The following ZUP1 variants were observed in gnomAD, a reference collection of about 807,000 sequenced individuals.
ZUP1 encodes the protein zinc finger containing ubiquitin peptidase 1.
Under a neutral mutation model 68.1 loss-of-function variants are expected in ZUP1, and 55 were observed. The ratio of observed to expected loss-of-function variants is 0.81; its 90% confidence interval spans 0.65 to 1.01. ZUP1 has a LOEUF of 1.01. Ranked by LOEUF, ZUP1 falls within the 50% of genes least tolerant of loss-of-function variation. ZUP1 has a pLI of 0.00. For synonymous variants in ZUP1, 223 were observed against 221.5 expected (o/e 1.01, Z -0.06); for missense variants, 684 against 674.9 (o/e 1.01, Z -0.15).
At chr6:116,659,007 G>C (rs1347801697) in intron 3 of ZUP1, 83 bp from the exon 4 acceptor site, 14 of 1,217,938 alleles carry the variant, frequency 1.1e-5, no homozygotes, top group African/African-American at 1.6e-5. Context: ...TTTTAAAATA[G>C]AGTAAATGCT....
intron 9 of ZUP1, among the ~76,000 whole-genome samples, chr6:116,642,680 C>T (rs1310324858): frequency 6.6e-6 from 1 of 152,150 alleles, no homozygotes; most frequent in Non-Finnish European, 1.5e-5. Context: ...ATTCATGGGA[C>T]GTATCTCAAA....
chr6:116,645,480 C>G (rs960493797), intron 9 of ZUP1, among the ~76,000 whole-genome samples: 1 of 149,524 alleles, frequency 6.7e-6, no homozygotes, highest in Admixed American at 6.7e-5. Context: ...ACTTGGGAGG[C>G]TGAGGCAGGA....
At chr6:116,642,788 G>A (rs1776151437) in intron 9 of ZUP1, among the ~76,000 whole-genome samples, 1 of 152,022 alleles carries the variant, frequency 6.6e-6, no homozygotes, top group Non-Finnish European at 1.5e-5. Context: ...AGACAGGGAT[G>A]CCCTCTCTCA....
At chr6:116,658,205 A>C (rs999288126) in intron 4 of ZUP1, among the ~76,000 whole-genome samples, 11 of 152,320 alleles carry the variant, frequency 7.2e-5, no homozygotes, top group African/African-American at 2.6e-4. Context: ...CAGACATTAA[A>C]ATTTTAAATG....
At chr6:116,641,118 C>A (rs1482992694) in intron 9 of ZUP1, among the ~76,000 whole-genome samples, 2 of 148,868 alleles carry the variant, frequency 1.3e-5, no homozygotes, top group Non-Finnish European at 3.0e-5. Context: ...GTAAAGGGAT[C>A]AATTCAACAA....
chr6:116,649,880 C>T lies in ZUP1; in HGVS notation c.1316+1692G>A, dbSNP rs192093732. 4.1e-3 allele frequency among the ~76,000 whole-genome samples: 629 copies of T among 152,076 alleles called. 3 individuals carry two copies. Among genetic ancestry groups the T allele is most frequent in the African/African-American group, 0.014 (581 of 41,500 alleles). On this transcript the variant is annotated intron_variant, in intron 7 of 9. Transcript: ENST00000368576. ...ATTTCCAAAATTAAAAGAAAGCCTT[C>T]AAAATAGAAAAGACTAAAACAAACA... is the stretch of plus-strand genomic sequence containing the variant.
At chr6:116,647,709 G>C (rs1776356718) in intron 7 of ZUP1, 99 bp from the exon 8 acceptor site, 2 of 919,956 alleles carry the variant, frequency 2.2e-6, no homozygotes, top group Admixed American at 7.0e-5. Context: ...AGAACTAACT[G>C]TTTCTAGCCA....
At chr6:116,662,888 C>A (rs1022904521) in intron 2 of ZUP1, among the ~76,000 whole-genome samples, 1 of 152,106 alleles carries the variant, frequency 6.6e-6, no homozygotes, top group East Asian at 1.9e-4. Context: ...TTTCTTAGTG[C>A]CTAATATTTT....
At chr6:116,642,882 A>G (rs535474730) in intron 9 of ZUP1, among the ~76,000 whole-genome samples, 24 of 152,344 alleles carry the variant, frequency 1.6e-4, no homozygotes, top group African/African-American at 5.5e-4. Context: ...AATTAGGAAA[A>G]GAGGAAGTCA....
chr6:116,647,444 T>C lies in ZUP1; in HGVS notation c.1468+15A>G. ...ATAAACAACATTGTCAAATATGAGT[T>C]ATATTAATACTAACCTTGATGCTGA... On this transcript the variant is annotated intron_variant, in intron 8 of 9. Coordinates refer to ENST00000368576, the MANE Select transcript of ZUP1 (RefSeq NM_145062.3). The C allele has an allele frequency of 6.6e-7, 1 of 1,508,656 alleles. No individual in the cohort carries two copies. The highest frequency in any genetic ancestry group is 9.0e-7 in the Non-Finnish European group (1 of 1,117,280). The allele number at this position is 1,508,656 out of a possible 1,614,324, so 93.5% of individuals were successfully genotyped here.
chr6:116,650,900 T>G (rs987432576), intron 7 of ZUP1, among the ~76,000 whole-genome samples: 8 of 151,416 alleles, frequency 5.3e-5, no homozygotes, highest in African/African-American at 1.9e-4. Flanking sequence ...GTTATACATT[T>G]TAAAAATGAG....
intron 3 of ZUP1, chr6:116,660,511 A>G: frequency 2.4e-6 from 1 of 415,836 alleles, no homozygotes; most frequent in Non-Finnish European, 4.2e-6. Context: ...GTAAAATTTT[A>G]TGTGCCATAT....
At chr6:116,651,946 A>G in intron 6 of ZUP1, 58 bp downstream of exon 6, 2 of 1,550,930 alleles carry the variant, frequency 1.3e-6, no homozygotes, top group Non-Finnish European at 1.8e-6. Context: ...ATGCTATATC[A>G]TTCTATATCA....
At chr6:116,659,842 T>C (rs1417420779) in intron 3 of ZUP1, among the ~76,000 whole-genome samples, 1 of 152,168 alleles carries the variant, frequency 6.6e-6, no homozygotes, top group Non-Finnish European at 1.5e-5. Context: ...CACTGACTAT[T>C]CTTCCTTTCC....
chr6:116,665,569 C>CTTT (rs753039436), intron 2 of ZUP1, among the ~76,000 whole-genome samples: 6 of 111,562 alleles, frequency 5.4e-5, no homozygotes, highest in South Asian at 3.0e-4. Context: ...AAAAATTTTT[C>CTTT]TTTTTTTTTT....
At chr6:116,666,573 A>C in intron 2 of ZUP1, 61 bp downstream of exon 2, 2 of 1,418,302 alleles carry the variant, frequency 1.4e-6, no homozygotes, top group South Asian at 1.6e-5. Flanking sequence ...CCAACTTTTA[A>C]AATACCACAT....
rs200762354 is a variant in ZUP1, at chr6:116,666,796, T to C, written c.397A>G (p.Arg133Gly). Residue 133 changes from arginine to glycine, a missense_variant, in exon 2 of 10, where the codon AGG becomes GGG. Coordinates refer to ENST00000368576, the MANE Select transcript of ZUP1 (RefSeq NM_145062.3). The stretch of plus-strand genomic sequence containing the variant: ...TCGGTCAGGCTGGACTGTTTTTCCC[T>C]ACTTTTCAGGAATTTTCTAGATTCA... ...LTESRKFLKSREKQSSLTEIK... is the reference protein window; with the variant it reads ...LTESRKFLKSGEKQSSLTEIK... 5.0e-6 allele frequency: 8 copies of C among 1,613,654 alleles called. No individual in the cohort carries two copies. The highest frequency in any genetic ancestry group is 2.2e-5 in the East Asian group (1 of 44,816).
Position 116,635,871 on chromosome 6 carries a change from T to C in ZUP1, c.1698A>G (p.Arg566=). The change falls in exon 10 of 10, where the codon AGA becomes AGG. Residue 566 remains arginine (R), a synonymous_variant. Coordinates refer to ENST00000368576, the MANE Select transcript of ZUP1 (RefSeq NM_145062.3). The part of the protein sequence containing the change: ...ALSLEEKLAR[R]QASQVFTAEK... ...CGGCTGTAAAGACTTGAGAAGCTTG[T>C]CTCCTGGCCTTGAAAAGAAATTTTA... The C allele has an allele frequency of 6.3e-7, 1 of 1,588,634 alleles. No individual in the cohort carries two copies. The highest frequency in any genetic ancestry group is 1.4e-5 in the African/African-American group (1 of 74,034).
chr6:116,638,735 G>C (rs996217256), intron 9 of ZUP1, among the ~76,000 whole-genome samples: 1 of 152,230 alleles, frequency 6.6e-6, no homozygotes, highest in East Asian at 1.9e-4. Flanking sequence ...AACAGCTCCG[G>C]TCTACAGCTC....
Sources: gnomAD v4.1 joint callset for allele counts (sites outside exome capture counted in the v4.1 genomes callset) on GRCh38, gnomAD v4.1.1 for gene constraint, MANE v1.5 for transcripts, NCBI Gene and HGNC (gene_info 2026-07-23, HGNC 2026-07-21) for gene names.